CDCA7: variants seen among roughly 807,000 people sequenced by gnomAD.
The protein encoded by CDCA7 is cell division cycle-associated protein 7.
In CDCA7, 28 loss-of-function variants were observed where a neutral mutation model predicts 54.0. That is an observed-to-expected ratio of 0.52 (90% CI 0.38 to 0.71). The LOEUF (loss-of-function observed/expected upper bound fraction) is 0.71. Among genes scored for constraint, CDCA7 ranks in the 30% least tolerant of loss-of-function variants. The pLI is 0.00. For synonymous variants in CDCA7, 180 were observed against 208.2 expected (o/e 0.86, Z 1.16); for missense variants, 484 against 586.0 (o/e 0.83, Z 1.80).
intron 3 of CDCA7, among the ~76,000 whole-genome samples, chr2:173,360,289 C>T (rs1290687580): frequency 1.3e-5 from 2 of 152,150 alleles, no homozygotes; most frequent in African/African-American, 4.8e-5. Flanking sequence ...GGGGTCCAGT[C>T]TGCAGATCTG....
intron 5 of CDCA7, 110 bp downstream of exon 5, chr2:173,364,005 C>T (rs561515273): frequency 3.7e-4 from 371 of 1,010,480 alleles, no homozygotes; most frequent in Non-Finnish European, 5.1e-4. Context: ...TCTAGACAAA[C>T]GAAGGGGACC....
intron 3 of CDCA7, among the ~76,000 whole-genome samples, chr2:173,360,581 C>T (rs891805091): frequency 1.3e-5 from 2 of 152,180 alleles, no homozygotes; most frequent in African/African-American, 2.4e-5. Flanking sequence ...TGGGCTTAAG[C>T]GATTCTCCCT....
intron 6 of CDCA7, 91 bp from the exon 7 acceptor site, chr2:173,365,361 G>C: frequency 1.4e-6 from 2 of 1,399,424 alleles, no homozygotes; most frequent in Non-Finnish European, 2.0e-6. Context: ...TTGAATCTCT[G>C]TGTTTCATAT....
rs1686759616 is a variant in CDCA7, at chr2:173,368,260, A to G, written c.*596A>G. 1 of 152,618 alleles carries G rather than the reference A, an allele frequency of 6.6e-6. No homozygotes were observed. Among genetic ancestry groups the G allele is most frequent in the African/African-American group, 2.4e-5 (1 of 41,460 alleles). The allele number at this position is 152,618 out of a possible 1,614,324, so 9.5% of individuals were successfully genotyped here. A position where few individuals can be genotyped will look rare whatever the true frequency, so the allele number is the denominator to read the frequency against. On this transcript the variant is annotated 3_prime_UTR_variant, in exon 10 of 10. Transcript: ENST00000306721. ...CAAGTTGTTGTCACAGTTGAGACTT[A>G]ATTTCTCCTAATTTCTTCTGCCCGA...
chr2:173,355,402 G>A (rs1686478510), intron 1 of CDCA7, among the ~76,000 whole-genome samples: 1 of 152,216 alleles, frequency 6.6e-6, no homozygotes, highest in Non-Finnish European at 1.5e-5. Flanking sequence ...GAGCCAGTGC[G>A]TGGCTCGCCG....
In CDCA7 at chr2:173,366,241, CAG is replaced by C. The variant is rs1316403530; in HGVS notation, c.1036-41_1036-40del. On this transcript the variant is annotated intron_variant, in intron 7 of 9. Transcript: ENST00000306721. This position sits in a 1 kb window ranked among gnomAD's most constrained non-coding sequence, Gnocchi z 4.5. Reference sequence around the variant, plus strand: ...ATATGCCATTTCCTCTGTTGAAAAACAGTGGTTTTTTTTGTTTTTTTTCTTAA... The same window carrying C: ...ATATGCCATTTCCTCTGTTGAAAAACTGGTTTTTTTTGTTTTTTTTCTTAA... 16 of 1,538,664 alleles carry C rather than the reference CAG, an allele frequency of 1.0e-5. No individual in the cohort carries two copies. The highest frequency in any genetic ancestry group is 4.1e-5 in the Admixed American group (2 of 48,428).
chr2:173,366,900 G>A lies in CDCA7; in HGVS notation c.1186-250G>A, dbSNP rs1436373471. On this transcript the variant is annotated intron_variant, in intron 8 of 9. Coordinates refer to ENST00000306721, the MANE Select transcript of CDCA7 (RefSeq NM_031942.5). This position sits in a 1 kb window ranked among gnomAD's most constrained non-coding sequence, Gnocchi z 4.5. ...AATTCAGAGGGATGGTGCTGCATAG[G>A]CATGAGCCGCTTCTACGATACTCGG... Among the ~76,000 whole-genome samples, 2 of 152,172 alleles carry A rather than the reference G, an allele frequency of 1.3e-5. No individual in the cohort carries two copies. Among genetic ancestry groups the A allele is most frequent in the Admixed American group, 1.3e-4 (2 of 15,278 alleles).
At chr2:173,365,025 C>G (rs769997632) in intron 6 of CDCA7, 36 bp downstream of exon 6, 10 of 1,527,414 alleles carry the variant, frequency 6.5e-6, no homozygotes, top group Non-Finnish European at 8.7e-6. Context: ...TCTTCTGATT[C>G]TCATCTTCGG....
chr2:173,355,440 C>T (rs1393387258), intron 1 of CDCA7, among the ~76,000 whole-genome samples: 1 of 152,204 alleles, frequency 6.6e-6, no homozygotes, highest in Non-Finnish European at 1.5e-5. Flanking sequence ...AGTGGGTGGC[C>T]CTTGGGCGCG....
Position 173,363,332 on chromosome 2 carries a change from C to G in CDCA7, c.491C>G (p.Thr164Ser). 6.2e-7 allele frequency: 1 copy of G among 1,614,072 alleles called. No homozygotes were observed. Among genetic ancestry groups the G allele is most frequent in the Non-Finnish European group, 8.5e-7 (1 of 1,180,022 alleles). The change falls in exon 4 of 10, where the codon ACC becomes AGC. Residue 164 changes from threonine (T) to serine (S), a missense_variant. By Grantham distance (58) the Thr-to-Ser change is moderately conservative. This residue lies in a region of CDCA7 where 398 missense variants were observed against 447.4 expected (regional missense o/e 0.89). Transcript: ENST00000306721. ...CCAGCGCGGAGTACCAGGGGAGCAA[C>G]CAACAAAAAAGCAGAGTCCCGCCAG... ...KFPARSTRGA[T>S]NKKAESRQPS...
chr2:173,363,759 G>T lies in CDCA7; in HGVS notation c.622-59G>T, dbSNP rs367761187. On this transcript the variant is annotated intron_variant, in intron 4 of 9. Coordinates refer to ENST00000306721, the MANE Select transcript of CDCA7 (RefSeq NM_031942.5). Reference sequence around the variant, plus strand: ...CTTGAGTATTTTCCAGAAGTTAGTTGCTCATTTTCGACAGTTATTCTAAGC... The same window carrying T: ...CTTGAGTATTTTCCAGAAGTTAGTTTCTCATTTTCGACAGTTATTCTAAGC... The T allele has an allele frequency of 7.3e-6, 11 of 1,499,050 alleles. No individual in the cohort carries two copies. In the African/African-American group the frequency reaches 1.2e-4, roughly 17 times the overall value. 92.9% of individuals were successfully genotyped at this position (1,499,050 alleles called of 1,614,324 possible). A position where few individuals can be genotyped will look rare whatever the true frequency, so the allele number is the denominator to read the frequency against.
rs1686751852 is a variant in CDCA7 at position 173,367,817 on chromosome 2, G to A, written c.*153G>A. The A allele has an allele frequency of 5.9e-6, 5 of 843,038 alleles. No individual in the cohort carries two copies. The highest frequency in any genetic ancestry group is 7.9e-6 in the Non-Finnish European group (4 of 507,232). The allele number at this position is 843,038 out of a possible 1,614,324, so 52.2% of individuals were successfully genotyped here. ...TTAATCTTAGCAGACATGTGTTTCT[G>A]GAGCATCACAGAAGGTATATTGCTA... On this transcript the variant is annotated 3_prime_UTR_variant, in exon 10 of 10. Coordinates refer to ENST00000306721, the MANE Select transcript of CDCA7 (RefSeq NM_031942.5).
chr2:173,366,193 C>A lies in CDCA7; in HGVS notation c.1036-90C>A. 7.0e-7 allele frequency: 1 copy of A among 1,429,752 alleles called. No individual in the cohort carries two copies. The highest frequency in any genetic ancestry group is 9.5e-7 in the Non-Finnish European group (1 of 1,053,348). 88.6% of individuals were successfully genotyped at this position (1,429,752 alleles called of 1,614,324 possible). A position where few individuals can be genotyped will look rare whatever the true frequency, so the allele number is the denominator to read the frequency against. ...TTCATAGACAAAATGTAAGCCTATACTACGAAGAGGGACATTCTGTAAATA... is the reference window on the plus strand; with the variant it reads ...TTCATAGACAAAATGTAAGCCTATAATACGAAGAGGGACATTCTGTAAATA... On this transcript the variant is annotated intron_variant, in intron 7 of 9. Transcript: ENST00000306721. The surrounding 1 kb of genome is among the most constrained non-coding windows in gnomAD (Gnocchi z 4.5).
chr2:173,359,137 A>G (rs556932741), intron 2 of CDCA7, 118 bp from the exon 3 acceptor site: 1 of 852,676 alleles, frequency 1.2e-6, no homozygotes, highest in South Asian at 1.8e-5. Context: ...CTTTGTAACA[A>G]AAGCTGTTCT....
intron 1 of CDCA7, 24 bp downstream of exon 1, chr2:173,355,008 G>A: frequency 7.3e-7 from 1 of 1,371,312 alleles, no homozygotes; most frequent in Non-Finnish European, 9.3e-7. Context: ...GGGCGAACCC[G>A]AGGGGCGGGC....
Position 173,364,847 on chromosome 2 carries a change from A to G in CDCA7, c.752A>G (p.Asn251Ser). 1 of 1,611,660 alleles carries G rather than the reference A, an allele frequency of 6.2e-7. No individual in the cohort carries two copies. Among genetic ancestry groups the G allele is most frequent in the Non-Finnish European group, 8.5e-7 (1 of 1,179,200 alleles). Residue 251 changes from asparagine to serine, a missense_variant, in exon 6 of 10, where the codon AAC becomes AGC. Asn to Ser is a conservative substitution (Grantham distance 46). Coordinates refer to ENST00000306721, the MANE Select transcript of CDCA7 (RefSeq NM_031942.5). ...TTCCCGGGTGTTGCTTCCAGGAGAAACCCTGAACGGAGAGCTCGTCCTCTT... is the reference window on the plus strand; with the variant it reads ...TTCCCGGGTGTTGCTTCCAGGAGAAGCCCTGAACGGAGAGCTCGTCCTCTT... ...RTFPGVASRR[N>S]PERRARPLTR...
intron 1 of CDCA7, among the ~76,000 whole-genome samples, chr2:173,355,781 G>C (rs944647150): frequency 6.6e-6 from 1 of 151,830 alleles, no homozygotes; most frequent in Non-Finnish European, 1.5e-5. Context: ...CTCCTGGAGA[G>C]GGTAGAAGAG....
chr2:173,365,188 CTCT>C (rs1296612885), intron 6 of CDCA7, among the ~76,000 whole-genome samples, 199 bp downstream of exon 6: 2 of 151,296 alleles, frequency 1.3e-5, no homozygotes, highest in African/African-American at 2.5e-5. Flanking sequence ...TTTTCTTCAT[CTCT>C]TCTTAATTGT....
chr2:173,356,239 G>A (rs973474926), intron 1 of CDCA7: 1 of 152,172 alleles, frequency 6.6e-6, no homozygotes, highest in African/African-American at 2.4e-5. Flanking sequence ...CCAAAGATAC[G>A]TTTGCCTGGT....
Sources: gnomAD v4.1 joint callset for allele counts (sites outside exome capture counted in the v4.1 genomes callset) on GRCh38, gnomAD v4.1.1 for gene constraint, gnomAD v4.1.1 regional missense constraint, Gnocchi (gnomAD v3.1) non-coding constraint, MANE v1.5 for transcripts, NCBI Gene and HGNC (gene_info 2026-07-23, HGNC 2026-07-21) for gene names.